Variants in ADK observed in about 807,000 individuals in gnomAD.
ADK encodes the protein adenosine kinase, also known as N6,N6-dimethyladenosine kinase.
Under a neutral mutation model 44.7 loss-of-function variants are expected in ADK, and 24 were observed. The observed-to-expected ratio is 0.54, with a 90% CI of 0.39 to 0.76. The LOEUF is 0.76. Ranked by LOEUF, ADK falls within the 30% of genes least tolerant of loss-of-function variation. The pLI is 0.00. For missense variants in ADK, 321 were observed against 425.1 expected, an observed-to-expected ratio of 0.76 and a Z score of 2.15; for synonymous variants, 128 against 142.6, an observed-to-expected ratio of 0.90 and a Z score of 0.73.
At chr10:74,658,901 T>C (rs973154794) in intron 9 of ADK, among the ~76,000 whole-genome samples, 3 of 151,918 alleles carry the variant, frequency 2.0e-5, no homozygotes, top group African/African-American at 7.3e-5. Flanking sequence ...CACACACATA[T>C]ATACACGTGC....
At chr10:74,317,809 G>A (rs907048547) in intron 4 of ADK, among the ~76,000 whole-genome samples, 3 of 152,128 alleles carry the variant, frequency 2.0e-5, no homozygotes, top group African/African-American at 4.8e-5. Flanking sequence ...TCAAGACGGA[G>A]TCTCACTCTG....
At chr10:74,179,712 A>C (rs1428571298) in intron 1 of ADK, among the ~76,000 whole-genome samples, 1 of 152,122 alleles carries the variant, frequency 6.6e-6, no homozygotes, top group African/African-American at 2.4e-5. Flanking sequence ...CTCATGATTA[A>C]TCCACCCCTT....
intron 7 of ADK, among the ~76,000 whole-genome samples, chr10:74,539,890 G>T (rs1589229971): frequency 6.6e-6 from 1 of 152,262 alleles, no homozygotes; most frequent in Non-Finnish European, 1.5e-5. Context: ...ATTGACTGTA[G>T]CACAAGGGAG....
chr10:74,525,509 T>C (rs1330533459), intron 7 of ADK, 83 bp downstream of exon 7: 1 of 1,259,808 alleles, frequency 7.9e-7, no homozygotes, highest in Non-Finnish European at 1.1e-6. Context: ...TTTAGAAATA[T>C]ATAAATTAAA....
intron 6 of ADK, among the ~76,000 whole-genome samples, chr10:74,413,597 A>G (rs560998854): frequency 1.8e-4 from 27 of 152,376 alleles, no homozygotes; most frequent in African/African-American, 5.8e-4. Flanking sequence ...AGAGAATGCT[A>G]TGCTGGTTTG....
chr10:74,251,983 C>G (rs189946916), intron 3 of ADK, among the ~76,000 whole-genome samples: 10 of 147,344 alleles, frequency 6.8e-5, no homozygotes, highest in Non-Finnish European at 1.3e-4. Context: ...CATGATTATC[C>G]CATTTTTCTT....
intron 3 of ADK, among the ~76,000 whole-genome samples, chr10:74,287,371 C>T (rs555301737): frequency 1.1e-4 from 17 of 150,952 alleles, no homozygotes; most frequent in African/African-American, 3.7e-4. Context: ...GGCTGAGGCA[C>T]GAGAATCACT....
chr10:74,482,646 C>T (rs1287401031), intron 6 of ADK, among the ~76,000 whole-genome samples: 1 of 152,128 alleles, frequency 6.6e-6, no homozygotes, highest in Non-Finnish European at 1.5e-5. Context: ...CTGTAAAATA[C>T]AGTTAGTTAC....
At chr10:74,662,030 A>T (rs1236281005) in intron 9 of ADK, among the ~76,000 whole-genome samples, 8 of 152,228 alleles carry the variant, frequency 5.3e-5, no homozygotes, top group Non-Finnish European at 1.2e-4. Context: ...TGAAGAAAAT[A>T]AGCTCCTAAA....
chr10:74,267,780 GTGTGTGTGTGTGTC>G (rs1846270126), intron 3 of ADK, among the ~76,000 whole-genome samples: 1 of 149,086 alleles, frequency 6.7e-6, no homozygotes. Context: ...GTGTGTGTGT[GTGTGTGTGTGTGTC>G]TGTCTGTCTG....
rs540764802 is a variant in ADK at position 74,702,245 on chromosome 10, G to A, written c.965-6076G>A. 8.0e-4 allele frequency among the ~76,000 whole-genome samples: 120 copies of A among 149,696 alleles called. 1 individual carries two copies. In the South Asian group the frequency reaches 0.014, roughly 18 times the overall value. ...GTCGCCTCGGCTGGAGTGCAGTGGCGTGATCTCAGCTCACTGCAACCTCTG... is the reference window on the plus strand; with the variant it reads ...GTCGCCTCGGCTGGAGTGCAGTGGCATGATCTCAGCTCACTGCAACCTCTG... On this transcript the variant is annotated intron_variant, in intron 10 of 10. Transcript: ENST00000539909.
In ADK at chr10:74,190,392, T is replaced by A. The variant is rs150052792; in HGVS notation, c.66-10372T>A. Among the ~76,000 whole-genome samples the A allele has an allele frequency of 8.5e-5, 13 of 152,348 alleles. No individual in the cohort carries two copies. In the East Asian group the frequency reaches 2.5e-3, roughly 29 times the overall value. On this transcript the variant is annotated intron_variant, in intron 1 of 10. Coordinates refer to ENST00000539909, the MANE Select transcript of ADK (RefSeq NM_006721.4). ...TCAGTGGTGATTGCTTAGGGCCTTC[T>A]CAGGTCTTTCTTGAGTATGCCCATA...
intron 6 of ADK, among the ~76,000 whole-genome samples, chr10:74,427,493 C>T (rs371602146): frequency 1.2e-4 from 18 of 152,230 alleles, no homozygotes; most frequent in South Asian, 1.0e-3. Flanking sequence ...CCACCGTGCC[C>T]GGCCTATAGG....
intron 6 of ADK, among the ~76,000 whole-genome samples, chr10:74,458,275 C>T (rs1479311193): frequency 2.8e-5 from 4 of 144,966 alleles, no homozygotes; most frequent in East Asian, 2.0e-4. Context: ...GACTCAAAGG[C>T]GTGCACCACC....
intron 2 of ADK, among the ~76,000 whole-genome samples, chr10:74,222,195 G>A (rs1342884943): frequency 6.6e-6 from 1 of 152,142 alleles, no homozygotes. Context: ...CAAAAAGTGG[G>A]TGAAGGACAT....
intron 3 of ADK, among the ~76,000 whole-genome samples, chr10:74,272,657 T>C (rs1846480454): frequency 6.6e-6 from 1 of 152,252 alleles, no homozygotes; most frequent in Admixed American, 6.5e-5. Context: ...AGTGATATTG[T>C]ATTGCTCCTT....
chr10:74,391,772 C>T lies in ADK; in HGVS notation c.274-2369C>T, dbSNP rs188352860. On this transcript the variant is annotated intron_variant, in intron 4 of 10. Transcript: ENST00000539909. ...ATTTTTAAATGTACCAATTAGTATA[C>T]GCATGTTGTTACATAGTCAACCTCT... 1.4e-3 allele frequency among the ~76,000 whole-genome samples: 215 copies of T among 151,858 alleles called. 1 individual carries two copies. The highest frequency in any genetic ancestry group is 1.3e-3 in the Non-Finnish European group (87 of 67,940).
At chr10:74,509,718 T>A (rs890684980) in intron 6 of ADK, among the ~76,000 whole-genome samples, 3 of 152,158 alleles carry the variant, frequency 2.0e-5, no homozygotes, top group African/African-American at 7.2e-5. Context: ...CTTTAACAAA[T>A]TTTTCCCTAT....
chr10:74,671,635 T>C (rs1287792928), intron 10 of ADK, among the ~76,000 whole-genome samples: 1 of 152,230 alleles, frequency 6.6e-6, no homozygotes, highest in East Asian at 1.9e-4. Context: ...GCTAAAATAT[T>C]TTATTCTGAA....
Sources: allele counts gnomAD v4.1 joint callset (sites outside exome capture counted in the v4.1 genomes callset), GRCh38; gene constraint gnomAD v4.1.1; transcripts MANE v1.5; gene names NCBI Gene and HGNC (gene_info 2026-07-23, HGNC 2026-07-21).